COL13A1: variants seen among roughly 807,000 people sequenced by gnomAD.
The protein encoded by COL13A1 is collagen alpha-1(XIII) chain.
COL13A1 carries 89 observed loss-of-function variants against 130.9 expected under a neutral mutation model. The ratio of observed to expected loss-of-function variants is 0.68; its 90% confidence interval spans 0.57 to 0.81. The LOEUF is 0.81. Ranked by LOEUF, COL13A1 falls within the 30% of genes least tolerant of loss-of-function variation. COL13A1 has a pLI of 0.00. For synonymous variants in COL13A1, 402 were observed against 341.6 expected, an observed-to-expected ratio of 1.18 and a Z score of -1.95; for missense variants, 879 against 934.6, an observed-to-expected ratio of 0.94 and a Z score of 0.78.
intron 2 of COL13A1, among the ~76,000 whole-genome samples, chr10:69,831,328 AC>A (rs35082769): frequency 6.6e-6 from 1 of 152,136 alleles, no homozygotes; most frequent in South Asian, 2.1e-4. Flanking sequence ...CTGACACCTG[AC>A]CCCCTCTGTG....
chr10:69,879,857 A>C (rs2059954546), intron 6 of COL13A1, among the ~76,000 whole-genome samples: 1 of 152,080 alleles, frequency 6.6e-6, no homozygotes, highest in South Asian at 2.1e-4. Flanking sequence ...TCACCCCTCC[A>C]TGTCATTCTG....
chr10:69,936,128 AGAAGGAAG>A (rs1444456777), intron 32 of COL13A1, among the ~76,000 whole-genome samples: 1 of 92,174 alleles, frequency 1.1e-5, no homozygotes, highest in African/African-American at 5.0e-5. Flanking sequence ...AAGGAAGGAA[AGAAGGAAG>A]GAAGGAAGGA....
rs545532332 is a variant in COL13A1 at position 69,829,742 on chromosome 10, G to A, written c.364+7304G>A. 9.2e-5 allele frequency among the ~76,000 whole-genome samples: 14 copies of A among 152,352 alleles called. No individual in the cohort carries two copies. In the East Asian group the frequency reaches 1.5e-3, roughly 17 times the overall value. On this transcript the variant is annotated intron_variant, in intron 2 of 40. Transcript: ENST00000645393. ...TGGGGTGGAGGGTCAGGTAACTGGCGTGGGTGAGGCCAAAATGACCACAGC... is the reference window on the plus strand; with the variant it reads ...TGGGGTGGAGGGTCAGGTAACTGGCATGGGTGAGGCCAAAATGACCACAGC...
At position 69,916,513 on chromosome 10, in the gene COL13A1, T is replaced by C. The variant is rs138611901; in HGVS notation, c.922-776T>C. 2.6e-5 allele frequency among the ~76,000 whole-genome samples: 4 copies of C among 152,344 alleles called. No homozygotes were observed. In the East Asian group the frequency reaches 5.8e-4, roughly 22 times the overall value. On this transcript the variant is annotated intron_variant, in intron 17 of 40. Transcript: ENST00000645393. The stretch of plus-strand genomic sequence containing the variant: ...TCTTGGCCTCCCACTTGTCCCTGGC[T>C]GTCATCTCCAACTCCACCTCCTTGT...
In COL13A1 at chr10:69,835,612, G is replaced by A. The variant is rs918750698; in HGVS notation, c.364+13174G>A. Among the ~76,000 whole-genome samples, 3 of 152,184 alleles carry A rather than the reference G, an allele frequency of 2.0e-5. 1 individual carries two copies. The South Asian group carries it at 6.2e-4, about 32-fold the overall frequency. On this transcript the variant is annotated intron_variant, in intron 2 of 40. Coordinates refer to ENST00000645393, the MANE Select transcript of COL13A1 (RefSeq NM_001368882.1). ...ACTCACACTGCCCTATTCTCCTGAT[G>A]AGGACCCTGAAGCTCAGAATTCTTT...
In COL13A1 at chr10:69,872,127, A is replaced by G. The variant is rs766919199; in HGVS notation, c.373-57A>G. The G allele has an allele frequency of 6.8e-6, 11 of 1,608,154 alleles. No homozygotes were observed. The South Asian group carries it at 9.9e-5, about 14-fold the overall frequency. ...CACACAGCTGGTTGAGACAGTGTTC[A>G]ACAGTTAGGTGTTACGATACCTGCC... On this transcript the variant is annotated intron_variant, in intron 3 of 40. Transcript: ENST00000645393.
chr10:69,894,656 C>G lies in COL13A1; in HGVS notation c.631-19C>G. ...CCTTAGCTTTGGTTTCTAACTCTCT[C>G]ATCTCCGTCTCTTTGTAGGGACCCC... is the stretch of plus-strand genomic sequence containing the variant. On this transcript the variant is annotated intron_variant, in intron 11 of 40. Coordinates refer to ENST00000645393, the MANE Select transcript of COL13A1 (RefSeq NM_001368882.1). 1.9e-6 allele frequency: 3 copies of G among 1,614,034 alleles called. No individual in the cohort carries two copies. The highest frequency in any genetic ancestry group is 2.5e-6 in the Non-Finnish European group (3 of 1,179,906).
intron 24 of COL13A1, 70 bp downstream of exon 24, chr10:69,923,925 C>T (rs373573500): frequency 3.5e-5 from 54 of 1,558,830 alleles, no homozygotes; most frequent in Middle Eastern, 3.3e-4. Flanking sequence ...TCATCCCGGC[C>T]GACCCTAGGG....
intron 2 of COL13A1, chr10:69,824,270 G>A (rs753450203): frequency 2.4e-5 from 10 of 416,566 alleles, no homozygotes; most frequent in African/African-American, 4.1e-5. Context: ...ACTGCCTCTC[G>A]CACTTCAAAG....
chr10:69,843,474 C>T (rs1286115989), intron 2 of COL13A1, among the ~76,000 whole-genome samples: 3 of 152,122 alleles, frequency 2.0e-5, no homozygotes, highest in Non-Finnish European at 4.4e-5. Flanking sequence ...TAAATTAATT[C>T]GAATTAAATA....
chr10:69,805,957 G>A (rs1841451175), intron 1 of COL13A1, among the ~76,000 whole-genome samples: 1 of 152,256 alleles, frequency 6.6e-6, no homozygotes, highest in East Asian at 1.9e-4. Context: ...GGTGAGTTTG[G>A]AGGCCAAGAC....
At chr10:69,869,202 T>G (rs943808431) in intron 3 of COL13A1, among the ~76,000 whole-genome samples, 2 of 152,184 alleles carry the variant, frequency 1.3e-5, no homozygotes, top group African/African-American at 4.8e-5. Flanking sequence ...TTTGGGTCTG[T>G]GCTGAAGGAG....
chr10:69,809,408 A>G (rs934210629), intron 1 of COL13A1, among the ~76,000 whole-genome samples: 1 of 152,246 alleles, frequency 6.6e-6, no homozygotes, highest in Non-Finnish European at 1.5e-5. Flanking sequence ...GGGACTATTC[A>G]AAGACCTTTA....
At chr10:69,829,331 C>G in intron 2 of COL13A1, 1 of 860,226 alleles carries the variant, frequency 1.2e-6, no homozygotes, top group Non-Finnish European at 1.4e-6. Context: ...CAAAGCACTT[C>G]AGTACTTTCC....
chr10:69,877,908 A>C (rs891721534), intron 5 of COL13A1, 131 bp from the exon 6 acceptor site: 2 of 642,782 alleles, frequency 3.1e-6, no homozygotes, highest in African/African-American at 1.8e-5. Flanking sequence ...TTCTTATTTC[A>C]CAGTGATTTC....
At chr10:69,805,813 T>C (rs1187046827) in intron 1 of COL13A1, among the ~76,000 whole-genome samples, 4 of 152,184 alleles carry the variant, frequency 2.6e-5, no homozygotes, top group South Asian at 2.1e-4. Context: ...AGGCAGAAAA[T>C]TGGGACAGGC....
intron 14 of COL13A1, among the ~76,000 whole-genome samples, chr10:69,901,486 G>A (rs1036458912): frequency 1.1e-4 from 16 of 152,226 alleles, no homozygotes; most frequent in African/African-American, 3.9e-4. Context: ...TGGGGAAGCA[G>A]GAGACCCCTC....
chr10:69,947,364 C>T (rs1057287412), intron 38 of COL13A1, 22 bp downstream of exon 38: 29 of 1,600,076 alleles, frequency 1.8e-5, no homozygotes, highest in Non-Finnish European at 2.1e-5. Context: ...CCCCTGCACT[C>T]GTGCTCTAGT....
intron 2 of COL13A1, among the ~76,000 whole-genome samples, chr10:69,852,177 A>G (rs1225430248): frequency 6.6e-6 from 1 of 152,178 alleles, no homozygotes; most frequent in Non-Finnish European, 1.5e-5. Context: ...CAGTCATCCA[A>G]GCTAAAGCAT....
Sources: allele counts gnomAD v4.1 joint callset (sites outside exome capture counted in the v4.1 genomes callset), GRCh38; gene constraint gnomAD v4.1.1; transcripts MANE v1.5; gene names NCBI Gene and HGNC (gene_info 2026-07-23, HGNC 2026-07-21).